MYO3B: variants seen among roughly 807,000 people sequenced by gnomAD.
MYO3B encodes myosin-IIIb.
Under a neutral mutation model 174.6 loss-of-function variants are expected in MYO3B, and 156 were observed. That is an observed-to-expected ratio of 0.89 (90% CI 0.78 to 1.02). The LOEUF is 1.02. Ranked by LOEUF, MYO3B falls within the 50% of genes least tolerant of loss-of-function variation. The pLI is 0.00. For synonymous variants in MYO3B, 563 were observed against 569.1 expected, an observed-to-expected ratio of 0.99 and a Z score of 0.15; for missense variants, 1,632 against 1,639.4, an observed-to-expected ratio of 1.00 and a Z score of 0.08.
rs889660565 is a variant in MYO3B, at chr2:170,180,782, A to G, written c.2+2493A>G. Among the ~76,000 whole-genome samples the G allele has an allele frequency of 1.3e-5, 2 of 152,316 alleles. 1 individual carries two copies. ...AATGTATATAAGGATATACACATACATAGAGACATACACACAAATATACAC... is the reference window on the plus strand; with the variant it reads ...AATGTATATAAGGATATACACATACGTAGAGACATACACACAAATATACAC... On this transcript the variant is annotated intron_variant, in intron 1 of 34. Coordinates refer to ENST00000408978, the MANE Select transcript of MYO3B (RefSeq NM_138995.5).
intron 7 of MYO3B, among the ~76,000 whole-genome samples, chr2:170,307,253 A>AAT (rs1409245757): frequency 4.0e-5 from 6 of 151,092 alleles, no homozygotes; most frequent in Admixed American, 6.6e-5. Flanking sequence ...AAAAAAAAAA[A>AAT]AAAAAAAAAA....
intron 23 of MYO3B, among the ~76,000 whole-genome samples, chr2:170,460,402 C>T (rs61353076): frequency 0.28 from 41,211 of 146,328 alleles, 5,935 homozygotes; most frequent in Admixed American, 0.38. Context: ...GCAGGAGAAT[C>T]GCTTGAACCC....
At chr2:170,591,806 T>C (rs1693833698) in intron 32 of MYO3B, among the ~76,000 whole-genome samples, 2 of 152,206 alleles carry the variant, frequency 1.3e-5, no homozygotes, top group Admixed American at 6.5e-5. Context: ...ATAATGTATA[T>C]ACAGAATGCA....
chr2:170,392,276 G>A (rs1377465602), intron 15 of MYO3B, 105 bp from the exon 16 acceptor site: 1 of 692,046 alleles, frequency 1.4e-6, no homozygotes, highest in East Asian at 2.9e-5. Context: ...CTGGGCAACA[G>A]AGTGAGGTCC....
intron 9 of MYO3B, among the ~76,000 whole-genome samples, chr2:170,373,107 G>A (rs946078658): frequency 2.6e-5 from 4 of 152,152 alleles, no homozygotes; most frequent in African/African-American, 9.7e-5. Flanking sequence ...TGCAGCCAGG[G>A]AACTAGTGAG....
At chr2:170,629,528 T>G (rs79787013) in intron 32 of MYO3B, among the ~76,000 whole-genome samples, 3,604 of 152,284 alleles carry the variant, frequency 0.024, 178 homozygotes, top group East Asian at 0.15. Flanking sequence ...ATATCAGAAC[T>G]AAGGGTATAC....
At chr2:170,586,909 T>C (rs908696761) in intron 32 of MYO3B, among the ~76,000 whole-genome samples, 1 of 152,244 alleles carries the variant, frequency 6.6e-6, no homozygotes, top group Non-Finnish European at 1.5e-5. Context: ...CTTTGACAAT[T>C]GATTATCCAA....
intron 32 of MYO3B, among the ~76,000 whole-genome samples, chr2:170,579,996 C>T (rs1693026816): frequency 6.6e-6 from 1 of 152,204 alleles, no homozygotes; most frequent in Non-Finnish European, 1.5e-5. Flanking sequence ...TGCTTAAAGA[C>T]TCTTTTCTAA....
At chr2:170,519,708 A>G (rs1239235340) in intron 30 of MYO3B, 168 bp downstream of exon 30, 1 of 567,968 alleles carries the variant, frequency 1.8e-6, no homozygotes, top group African/African-American at 1.9e-5. Context: ...GTGGTGGCTC[A>G]TGCCTGTAAT....
intron 25 of MYO3B, among the ~76,000 whole-genome samples, chr2:170,479,847 G>A (rs1462883627): frequency 6.8e-6 from 1 of 148,022 alleles, no homozygotes; most frequent in Non-Finnish European, 1.5e-5. Context: ...ACGTATATAT[G>A]CATATATAGG....
intron 7 of MYO3B, among the ~76,000 whole-genome samples, chr2:170,309,497 G>C (rs2105465412): frequency 6.6e-6 from 1 of 152,110 alleles, no homozygotes; most frequent in South Asian, 2.1e-4. Context: ...CATCTTCAGG[G>C]ATATCTTCCC....
intron 7 of MYO3B, among the ~76,000 whole-genome samples, chr2:170,296,465 C>A (rs954669499): frequency 1.3e-5 from 2 of 152,150 alleles, no homozygotes; most frequent in East Asian, 3.8e-4. Context: ...TAGACGTCTC[C>A]ATGTCAATTC....
intron 7 of MYO3B, among the ~76,000 whole-genome samples, chr2:170,243,239 G>A (rs1282626686): frequency 6.6e-6 from 1 of 152,144 alleles, no homozygotes; most frequent in Non-Finnish European, 1.5e-5. Context: ...ATCTTGGCTG[G>A]GCTTGCTCAT....
chr2:170,237,021 C>T (rs1272760016), intron 7 of MYO3B, among the ~76,000 whole-genome samples: 28 of 152,190 alleles, frequency 1.8e-4, no homozygotes, highest in Admixed American at 1.8e-3. Flanking sequence ...TGATGTTCAT[C>T]ATCATAATTT....
intron 32 of MYO3B, among the ~76,000 whole-genome samples, chr2:170,546,904 G>T (rs1690532622): frequency 6.6e-6 from 1 of 152,160 alleles, no homozygotes; most frequent in African/African-American, 2.4e-5. Context: ...AAGGGGTCTG[G>T]TGAGGTGAGA....
chr2:170,356,230 G>T (rs2094119834), intron 8 of MYO3B, among the ~76,000 whole-genome samples: 1 of 151,910 alleles, frequency 6.6e-6, no homozygotes, highest in South Asian at 2.1e-4. Flanking sequence ...CAAAGTGCTG[G>T]GATTACAGGC....
chr2:170,205,742 T>TC (rs1433043880), intron 3 of MYO3B, among the ~76,000 whole-genome samples: 1 of 152,116 alleles, frequency 6.6e-6, no homozygotes, highest in East Asian at 1.9e-4. Flanking sequence ...CAATGGATAC[T>TC]CCAGCTCCTA....
intron 23 of MYO3B, among the ~76,000 whole-genome samples, chr2:170,450,894 C>A (rs1176833550): frequency 6.6e-6 from 1 of 152,148 alleles, no homozygotes; most frequent in African/African-American, 2.4e-5. Flanking sequence ...AATGTTTGAG[C>A]TATAGAAAAA....
At chr2:170,295,199 AT>A (rs1448783867) in intron 7 of MYO3B, among the ~76,000 whole-genome samples, 1 of 151,778 alleles carries the variant, frequency 6.6e-6, no homozygotes, top group African/African-American at 2.4e-5. Context: ...AATGACATGT[AT>A]TTGGATTTAA....
Sources: allele counts gnomAD v4.1 joint callset (sites outside exome capture counted in the v4.1 genomes callset), GRCh38; gene constraint gnomAD v4.1.1; transcripts MANE v1.5; gene names NCBI Gene and HGNC (gene_info 2026-07-23, HGNC 2026-07-21).